The following VAV3 variants were observed in gnomAD, a reference collection of about 807,000 sequenced individuals.
The protein encoded by VAV3 is vav guanine nucleotide exchange factor 3.
VAV3 carries 94 observed loss-of-function variants against 131.2 expected under a neutral mutation model. That is an observed-to-expected ratio of 0.72 (90% confidence interval 0.61 to 0.85). VAV3 has a LOEUF of 0.85. VAV3 is among the 40% of genes least tolerant of loss of function. VAV3 has a pLI of 0.00. For missense variants in VAV3, 939 were observed against 1,002.7 expected, an observed-to-expected ratio of 0.94 and a Z score of 0.86; for synonymous variants, 349 against 342.0, an observed-to-expected ratio of 1.02 and a Z score of -0.22.
intron 1 of VAV3, among the ~76,000 whole-genome samples, chr1:107,893,608 T>TA (rs1365992718): frequency 7.2e-5 from 11 of 152,096 alleles, no homozygotes; most frequent in African/African-American, 2.7e-4. Context: ...CTCTCCTTTA[T>TA]AAAACCATCA....
At chr1:107,791,517 T>G (rs949675216) in intron 2 of VAV3, among the ~76,000 whole-genome samples, 3 of 152,174 alleles carry the variant, frequency 2.0e-5, no homozygotes, top group Admixed American at 6.5e-5. Flanking sequence ...GATAGACAAC[T>G]GCACAAACAT....
At chr1:107,869,793 C>T (rs1250752782) in intron 2 of VAV3, among the ~76,000 whole-genome samples, 2 of 152,160 alleles carry the variant, frequency 1.3e-5, no homozygotes, top group Non-Finnish European at 2.9e-5. Flanking sequence ...TTATCCCTCA[C>T]CTCCTTTTCA....
chr1:107,596,873 T>C (rs540428334), intron 24 of VAV3, among the ~76,000 whole-genome samples: 8 of 152,350 alleles, frequency 5.3e-5, no homozygotes, highest in African/African-American at 1.9e-4. Context: ...ATAGTACCTG[T>C]CATAGCTCCG....
chr1:107,590,480 C>T (rs368778309), intron 25 of VAV3, among the ~76,000 whole-genome samples: 56 of 152,276 alleles, frequency 3.7e-4, no homozygotes, highest in African/African-American at 1.2e-3. Context: ...TCTCACATCA[C>T]TATATTCTAT....
Position 107,822,667 on chromosome 1 carries a change from AAT to A in VAV3, c.322-43177_322-43176del, listed in dbSNP as rs1557867291. Among the ~76,000 whole-genome samples the A allele has an allele frequency of 6.1e-3, 711 of 115,680 alleles. 6 individuals are homozygous for A. The highest frequency in any genetic ancestry group is 0.021 in the African/African-American group (616 of 29,356). The allele number at this position is 115,680 out of a possible 152,430, so 75.9% of individuals were successfully genotyped here. ...GACTCCATCTCAAAAAAAATAAATA[AAT>A]AAATAAATAAATAAATAAATAATAA... On this transcript the variant is annotated intron_variant, in intron 2 of 26. Coordinates refer to ENST00000370056, the MANE Select transcript of VAV3 (RefSeq NM_006113.5).
At chr1:107,703,458 G>A (rs995728698) in intron 17 of VAV3, among the ~76,000 whole-genome samples, 27 of 152,128 alleles carry the variant, frequency 1.8e-4, no homozygotes, top group African/African-American at 6.5e-4. Context: ...AGAGCACCCA[G>A]GCAGGACAGG....
intron 9 of VAV3, among the ~76,000 whole-genome samples, chr1:107,761,180 G>A (rs1489332649): frequency 6.6e-6 from 1 of 152,118 alleles, no homozygotes; most frequent in Non-Finnish European, 1.5e-5. Context: ...ACAAGGTCAG[G>A]AGATCAAGAC....
At chr1:107,750,830 T>A (rs974008258) in intron 13 of VAV3, among the ~76,000 whole-genome samples, 4 of 152,214 alleles carry the variant, frequency 2.6e-5, no homozygotes, top group Admixed American at 2.0e-4. Context: ...TTTATGGTAG[T>A]TATCTGTTCT....
intron 25 of VAV3, among the ~76,000 whole-genome samples, chr1:107,589,924 T>C (rs972527108): frequency 6.6e-6 from 1 of 152,202 alleles, no homozygotes; most frequent in African/African-American, 2.4e-5. Flanking sequence ...GGAATAAGAA[T>C]GCTACTTTAT....
At chr1:107,650,486 G>A (rs750746079) in intron 19 of VAV3, among the ~76,000 whole-genome samples, 16 of 151,398 alleles carry the variant, frequency 1.1e-4, no homozygotes, top group Non-Finnish European at 1.8e-4. Context: ...ATGTTGACAC[G>A]TAATTCCCAA....
At chr1:107,645,530 G>A (rs912908562) in intron 19 of VAV3, among the ~76,000 whole-genome samples, 1 of 151,978 alleles carries the variant, frequency 6.6e-6, no homozygotes, top group East Asian at 1.9e-4. Context: ...CAATACAGGT[G>A]GGATAAATGG....
chr1:107,909,487 T>C (rs1403277316), intron 1 of VAV3, among the ~76,000 whole-genome samples: 1 of 152,190 alleles, frequency 6.6e-6, no homozygotes, highest in East Asian at 1.9e-4. Flanking sequence ...GCTTTATATT[T>C]CCATTATCAA....
At chr1:107,688,577 G>A (rs1659197688) in intron 17 of VAV3, 171 bp from the exon 18 acceptor site, 12 of 1,493,448 alleles carry the variant, frequency 8.0e-6, no homozygotes, top group Non-Finnish European at 1.1e-5. Context: ...TTGCAACCTT[G>A]GTTCTCTTAC....
intron 15 of VAV3, among the ~76,000 whole-genome samples, chr1:107,707,703 A>C (rs1181687921): frequency 6.6e-6 from 1 of 152,242 alleles, no homozygotes; most frequent in Non-Finnish European, 1.5e-5. Flanking sequence ...AAGAGATTAC[A>C]TGTATGAAAA....
At chr1:107,740,654 A>C (rs12565046) in intron 15 of VAV3, among the ~76,000 whole-genome samples, 13,658 of 152,220 alleles carry the variant, frequency 0.09, 855 homozygotes, top group East Asian at 0.25. Context: ...GCGTGGTTTC[A>C]TTATAGCTGA....
intron 12 of VAV3, among the ~76,000 whole-genome samples, chr1:107,752,366 T>C (rs1570896329): frequency 1.3e-5 from 2 of 152,300 alleles, no homozygotes; most frequent in South Asian, 4.1e-4. Context: ...TACCCAAACA[T>C]AACAGTTAAA....
At chr1:107,955,251 T>C (rs941964014) in intron 1 of VAV3, among the ~76,000 whole-genome samples, 1 of 151,052 alleles carries the variant, frequency 6.6e-6, no homozygotes, top group Non-Finnish European at 1.5e-5. Context: ...GAAGTAATGT[T>C]ACCTGCTATT....
intron 19 of VAV3, among the ~76,000 whole-genome samples, chr1:107,663,695 T>A (rs1657204993): frequency 6.6e-6 from 1 of 152,202 alleles, no homozygotes. Flanking sequence ...TTGCCTTGAC[T>A]TTCGGTACCA....
At chr1:107,623,448 C>T (rs1653759679) in intron 20 of VAV3, among the ~76,000 whole-genome samples, 3 of 152,164 alleles carry the variant, frequency 2.0e-5, no homozygotes, top group African/African-American at 7.2e-5. Context: ...ATCCTATGTA[C>T]AATCCTACCA....
Sources: allele counts gnomAD v4.1 joint callset (sites outside exome capture counted in the v4.1 genomes callset), GRCh38; gene constraint gnomAD v4.1.1; transcripts MANE v1.5; gene names NCBI Gene and HGNC (gene_info 2026-07-23, HGNC 2026-07-21).